Variants in MRPL48 observed in about 807,000 individuals in gnomAD.
MRPL48 encodes the protein mitochondrial ribosomal protein L48.
A neutral mutation model predicts 32.9 loss-of-function variants in MRPL48; 16 were observed. The observed-to-expected ratio is 0.49, with a 90% CI of 0.33 to 0.74. The LOEUF (loss-of-function observed/expected upper bound fraction) is 0.74, where lower values mean the gene tolerates loss of function less well. Ranked by LOEUF, MRPL48 falls within the 30% of genes least tolerant of loss-of-function variation. MRPL48 has a pLI of 0.02. For missense variants in MRPL48, 206 were observed against 245.3 expected (o/e 0.84, Z 1.07); for synonymous variants, 94 against 89.2 (o/e 1.05, Z -0.31).
At chr11:73,817,914 C>T (rs1376897819) in intron 3 of MRPL48, 3 of 242,084 alleles carry the variant, frequency 1.2e-5, no homozygotes, top group African/African-American at 7.0e-5. Flanking sequence ...AAGCAATCCT[C>T]CTGCCTCAGC....
chr11:73,789,102 A>G (rs1226482976), intron 1 of MRPL48, among the ~76,000 whole-genome samples: 2 of 152,198 alleles, frequency 1.3e-5, no homozygotes, highest in Non-Finnish European at 2.9e-5. Context: ...ATCCTTTATG[A>G]AACAATTCAC....
intron 1 of MRPL48, among the ~76,000 whole-genome samples, chr11:73,790,486 G>A (rs552058991): frequency 4.3e-5 from 6 of 140,988 alleles, no homozygotes; most frequent in South Asian, 2.3e-4. Context: ...CCGGGTTCAC[G>A]CCATTCTTCT....
At chr11:73,841,758 T>C (rs181864665) in intron 4 of MRPL48, among the ~76,000 whole-genome samples, 3 of 152,324 alleles carry the variant, frequency 2.0e-5, no homozygotes, top group African/African-American at 7.2e-5. Flanking sequence ...TGCATATTAA[T>C]GCAATAAAAA....
intron 1 of MRPL48, among the ~76,000 whole-genome samples, chr11:73,788,665 G>A (rs1947094325): frequency 6.6e-6 from 1 of 151,706 alleles, no homozygotes; most frequent in Admixed American, 6.6e-5. Flanking sequence ...GTAGAGACGG[G>A]GTTTCACTGT....
chr11:73,831,406 CCT>C (rs1354014205), intron 4 of MRPL48, among the ~76,000 whole-genome samples: 1 of 152,154 alleles, frequency 6.6e-6, no homozygotes, highest in Non-Finnish European at 1.5e-5. Context: ...CTCTTTCCTG[CCT>C]CTCTGCCTTT....
chr11:73,812,354 T>C (rs181907808), intron 3 of MRPL48, among the ~76,000 whole-genome samples: 266 of 152,288 alleles, frequency 1.7e-3, no homozygotes, highest in African/African-American at 5.9e-3. Context: ...CAAAAAATGG[T>C]ACACCAGCCA....
chr11:73,859,550 G>A (rs1391106597), intron 5 of MRPL48, among the ~76,000 whole-genome samples: 2 of 151,990 alleles, frequency 1.3e-5, no homozygotes, highest in Admixed American at 6.6e-5. Context: ...CAAATTGCTG[G>A]GATTACAGGT....
At chr11:73,823,184 T>G (rs1466771195) in intron 3 of MRPL48, 1 of 240,600 alleles carries the variant, frequency 4.2e-6, no homozygotes, top group Non-Finnish European at 8.5e-6. Context: ...ACTCCTCACA[T>G]CTGTGGAAAA....
chr11:73,841,704 C>A (rs1167415014), intron 4 of MRPL48, among the ~76,000 whole-genome samples: 1 of 152,056 alleles, frequency 6.6e-6, no homozygotes, highest in African/African-American at 2.4e-5. Flanking sequence ...GAGGTACTTT[C>A]ACTTTGTGAA....
chr11:73,828,747 TC>T (rs1429880937), intron 4 of MRPL48, among the ~76,000 whole-genome samples: 1 of 149,860 alleles, frequency 6.7e-6, no homozygotes, highest in Non-Finnish European at 1.5e-5. Flanking sequence ...TTTTGAGACA[TC>T]CCCCTTCTTT....
At chr11:73,839,436 G>C (rs1590984477) in intron 4 of MRPL48, among the ~76,000 whole-genome samples, 1 of 152,054 alleles carries the variant, frequency 6.6e-6, no homozygotes, top group African/African-American at 2.4e-5. Context: ...AGGACATGGT[G>C]GTATTATCTC....
chr11:73,827,007 C>T (rs1197615179), intron 4 of MRPL48, among the ~76,000 whole-genome samples: 2 of 151,418 alleles, frequency 1.3e-5, no homozygotes, highest in African/African-American at 4.9e-5. Context: ...AACTCCCGAC[C>T]TCAGGTGATC....
chr11:73,846,856 G>T (rs552591747), intron 5 of MRPL48, among the ~76,000 whole-genome samples: 1 of 151,706 alleles, frequency 6.6e-6, no homozygotes. Context: ...ACACCAACTC[G>T]CCAAGCTGAT....
chr11:73,828,726 A>C (rs17310395), intron 4 of MRPL48, among the ~76,000 whole-genome samples: 6,393 of 151,806 alleles, frequency 0.042, 175 homozygotes, highest in Middle Eastern at 0.099. Flanking sequence ...TAAATTATTG[A>C]AGTTGTTTTA....
At chr11:73,833,181 A>G (rs377376733) in intron 4 of MRPL48, among the ~76,000 whole-genome samples, 1 of 151,940 alleles carries the variant, frequency 6.6e-6, no homozygotes, top group Non-Finnish European at 1.5e-5. Flanking sequence ...CTGGGTAGGT[A>G]AAGCTGAACT....
At chr11:73,821,809 T>A (rs529166855) in intron 3 of MRPL48, among the ~76,000 whole-genome samples, 1 of 152,340 alleles carries the variant, frequency 6.6e-6, no homozygotes, top group South Asian at 2.1e-4. Context: ...GCCATGGATA[T>A]TGGGTTGGTT....
intron 4 of MRPL48, chr11:73,842,494 A>T (rs1364901483): frequency 6.6e-6 from 1 of 152,088 alleles, no homozygotes; most frequent in African/African-American, 2.4e-5. Context: ...TTATTTAGAG[A>T]TGGAGTCTCG....
intron 7 of MRPL48, 58 bp downstream of exon 7, chr11:73,863,319 A>G: frequency 2.2e-6 from 3 of 1,374,480 alleles, no homozygotes; most frequent in South Asian, 2.5e-5. Flanking sequence ...AAATAAGGAT[A>G]AGAACATCTG....
chr11:73,811,016 T>C (rs1383656969), intron 3 of MRPL48, among the ~76,000 whole-genome samples: 2 of 152,156 alleles, frequency 1.3e-5, no homozygotes, highest in African/African-American at 2.4e-5. Context: ...CCAGGGATCA[T>C]ACCCTGAGGA....
Sources: allele counts gnomAD v4.1 joint callset (sites outside exome capture counted in the v4.1 genomes callset), GRCh38; gene constraint gnomAD v4.1.1; transcripts MANE v1.5; gene names NCBI Gene and HGNC (gene_info 2026-07-23, HGNC 2026-07-21).